The following NRG3 variants were observed in gnomAD, a reference collection of about 807,000 sequenced individuals.
NRG3 encodes pro-neuregulin-3, membrane-bound isoform.
A neutral mutation model predicts 66.9 loss-of-function variants in NRG3; 31 were observed. The ratio of observed to expected loss-of-function variants is 0.46; its 90% CI spans 0.35 to 0.63. NRG3 has a LOEUF of 0.63. Ranked by LOEUF, NRG3 falls within the 20% of genes least tolerant of loss-of-function variation. The probability of loss-of-function intolerance (pLI) is 0.00; values close to 1 mark genes in which losing one functional copy is unlikely to be tolerated. For synonymous variants in NRG3, 393 were observed against 359.4 expected (o/e 1.09, Z -1.06); for missense variants, 910 against 878.9 (o/e 1.04, Z -0.45).
In NRG3 at chr10:82,322,052, A is replaced by G. The variant is rs55699933; in HGVS notation, c.824-36687A>G. On this transcript the variant is annotated intron_variant, in intron 1 of 8. Coordinates refer to ENST00000372141, the MANE Select transcript of NRG3 (RefSeq NM_001010848.4). ...CTCCATTATCTTATGATATTTTATT[A>G]GTATCTATTCTCCTGGCATAGTACA... Among the ~76,000 whole-genome samples, 975 of 152,330 alleles carry G rather than the reference A, an allele frequency of 6.4e-3. 3 individuals are homozygous for G. The highest frequency in any genetic ancestry group is 8.2e-3 in the Non-Finnish European group (556 of 68,020).
chr10:82,229,233 TAGAATAGAAAGC>T (rs770706435), intron 1 of NRG3: 5 of 152,110 alleles, frequency 3.3e-5, no homozygotes, highest in South Asian at 2.1e-4. Context: ...TTAAAATAAT[TAGAATAGAAAGC>T]AGAATAGAAA....
intron 1 of NRG3, among the ~76,000 whole-genome samples, chr10:82,018,848 G>A: frequency 6.6e-6 from 1 of 152,018 alleles, no homozygotes. Context: ...GAGACGATGG[G>A]GTTTTCTAGA....
intron 2 of NRG3, among the ~76,000 whole-genome samples, chr10:82,607,013 T>A (rs2048009647): frequency 6.6e-6 from 1 of 152,144 alleles, no homozygotes; most frequent in South Asian, 2.1e-4. Context: ...GGAGGCAGAT[T>A]TGAGGTTCCC....
chr10:82,056,677 GT>G (rs1452661675), intron 1 of NRG3, among the ~76,000 whole-genome samples: 2 of 152,142 alleles, frequency 1.3e-5, no homozygotes, highest in Non-Finnish European at 2.9e-5. Context: ...TAACAGTCTA[GT>G]TGGGGTTAGC....
chr10:82,728,364 G>A (rs776002193), intron 2 of NRG3, among the ~76,000 whole-genome samples: 3 of 152,116 alleles, frequency 2.0e-5, no homozygotes, highest in Non-Finnish European at 4.4e-5. Context: ...TAATTGAATC[G>A]TGGGGTCTGG....
At chr10:81,912,299 G>A (rs966427523) in intron 1 of NRG3, among the ~76,000 whole-genome samples, 3 of 152,108 alleles carry the variant, frequency 2.0e-5, no homozygotes, top group Admixed American at 1.3e-4. Flanking sequence ...ATAGCTCACC[G>A]TAGCCTGAAA....
At chr10:82,617,959 A>C (rs1052588851) in intron 2 of NRG3, among the ~76,000 whole-genome samples, 1 of 152,012 alleles carries the variant, frequency 6.6e-6, no homozygotes, top group African/African-American at 2.4e-5. Context: ...CTTCTCATGA[A>C]CTCTGGTGAG....
chr10:81,950,880 A>G (rs1288365539), intron 1 of NRG3, among the ~76,000 whole-genome samples: 1 of 152,162 alleles, frequency 6.6e-6, no homozygotes, highest in Non-Finnish European at 1.5e-5. Context: ...ATTTGAATAC[A>G]TATTATTAGT....
At chr10:82,215,411 T>G (rs2075614767) in intron 1 of NRG3, among the ~76,000 whole-genome samples, 1 of 152,258 alleles carries the variant, frequency 6.6e-6, no homozygotes, top group Non-Finnish European at 1.5e-5. Context: ...TAGAGGTCTC[T>G]CCTTCAGCCA....
chr10:82,874,469 ATATAT>A (rs112673472), intron 4 of NRG3, among the ~76,000 whole-genome samples: 3,739 of 151,914 alleles, frequency 0.025, 156 homozygotes, highest in African/African-American at 0.085. Context: ...ATTCATTTGA[ATATAT>A]TATATTTCTG....
chr10:82,309,466 C>CA (rs774666582), intron 1 of NRG3, among the ~76,000 whole-genome samples: 18,200 of 138,956 alleles, frequency 0.13, 1,126 homozygotes, highest in Non-Finnish European at 0.16. Flanking sequence ...CTTTGCATTA[C>CA]AAAAAAAAAA....
intron 3 of NRG3, among the ~76,000 whole-genome samples, chr10:82,848,630 G>T (rs2063419554): frequency 6.6e-6 from 1 of 152,108 alleles, no homozygotes; most frequent in South Asian, 2.1e-4. Context: ...GAGGACATGA[G>T]ATTTGGGAAG....
intron 1 of NRG3, among the ~76,000 whole-genome samples, chr10:82,058,993 G>A (rs2063991156): frequency 1.3e-5 from 2 of 152,130 alleles, no homozygotes; most frequent in Admixed American, 6.6e-5. Flanking sequence ...AAGTCATGCC[G>A]AGGCAACATG....
chr10:82,672,192 AC>A (rs1172241985), intron 2 of NRG3, among the ~76,000 whole-genome samples: 1 of 152,170 alleles, frequency 6.6e-6, no homozygotes, highest in Non-Finnish European at 1.5e-5. Context: ...AGGCGAGAGT[AC>A]TAGGAAAGAA....
intron 1 of NRG3, among the ~76,000 whole-genome samples, chr10:81,958,510 A>G (rs550174915): frequency 1.7e-4 from 26 of 152,344 alleles, no homozygotes; most frequent in Admixed American, 1.2e-3. Flanking sequence ...AATTTTCCAC[A>G]TAGATGGTAT....
At position 82,872,396 on chromosome 10, in the gene NRG3, CT is replaced by C. The variant is rs1406068860; in HGVS notation, c.1054+6960del. On this transcript the variant is annotated intron_variant, in intron 4 of 8. Coordinates refer to ENST00000372141, the MANE Select transcript of NRG3 (RefSeq NM_001010848.4). ...CACAGGGTCACAAGGAGGTAATGAT[CT>C]GAAGCACACGTCTTCTTCCCAAATC... Among the ~76,000 whole-genome samples the C allele has an allele frequency of 7.9e-5, 12 of 152,218 alleles. No homozygotes were observed. The South Asian group carries it at 1.9e-3, about 24-fold the overall frequency.
intron 1 of NRG3, among the ~76,000 whole-genome samples, chr10:82,078,974 C>T (rs981032221): frequency 6.6e-6 from 1 of 152,084 alleles, no homozygotes; most frequent in African/African-American, 2.4e-5. Flanking sequence ...ATTTTTACTG[C>T]AGATGTGTGT....
intron 1 of NRG3, among the ~76,000 whole-genome samples, chr10:82,206,664 T>A (rs1009437862): frequency 2.0e-5 from 3 of 152,180 alleles, no homozygotes; most frequent in Non-Finnish European, 4.4e-5. Context: ...CTTTCCTATG[T>A]CAGGACTCTT....
chr10:82,296,861 C>G (rs919120793), intron 1 of NRG3, among the ~76,000 whole-genome samples: 5 of 151,662 alleles, frequency 3.3e-5, no homozygotes, highest in African/African-American at 1.2e-4. Flanking sequence ...ATTTGGACTT[C>G]TAGTGAACCC....
Sources: gnomAD v4.1 joint callset for allele counts (sites outside exome capture counted in the v4.1 genomes callset) on GRCh38, gnomAD v4.1.1 for gene constraint, MANE v1.5 for transcripts, NCBI Gene and HGNC (gene_info 2026-07-23, HGNC 2026-07-21) for gene names.